Variants in GABRA3 observed in about 807,000 individuals in gnomAD.
GABRA3 encodes the protein gamma-aminobutyric acid type A receptor subunit alpha3.
In GABRA3, 10 loss-of-function variants were observed where a neutral mutation model predicts 30.1. The observed-to-expected ratio is 0.33, with a 90% confidence interval of 0.20 to 0.56. The LOEUF (loss-of-function observed/expected upper bound fraction) is 0.56, where lower values mean the gene tolerates loss of function less well. Among genes scored for constraint, GABRA3 ranks in the 20% least tolerant of loss-of-function variants. The pLI is 0.89. For synonymous variants in GABRA3, 151 were observed against 146.8 expected, an observed-to-expected ratio of 1.03 and a Z score of -0.21; for missense variants, 233 against 392.0, an observed-to-expected ratio of 0.59 and a Z score of 3.42.
At chrX:152,274,482 A>G (rs951016925) in intron 4 of GABRA3, among the ~76,000 whole-genome samples, 2 of 111,610 alleles carry the variant, frequency 1.8e-5, no homozygotes, top group African/African-American at 6.5e-5. Flanking sequence ...ATTCTCTTTC[A>G]ATATGAGGCA....
At chrX:152,442,009 A>G (rs1930942702) in intron 1 of GABRA3, among the ~76,000 whole-genome samples, 1 of 111,670 alleles carries the variant, frequency 9.0e-6, no homozygotes, top group South Asian at 3.7e-4. Context: ...TGTAATGATA[A>G]AGGACCCCAT....
intron 1 of GABRA3, among the ~76,000 whole-genome samples, chrX:152,433,758 C>A (rs1602728257): frequency 2.1e-5 from 2 of 93,097 alleles, no homozygotes; most frequent in African/African-American, 3.9e-5. Context: ...TTGAAAAGAT[C>A]AATAAAAGTA....
At chrX:152,267,762 C>T (rs1435969037) in intron 4 of GABRA3, among the ~76,000 whole-genome samples, 1 of 110,650 alleles carries the variant, frequency 9.0e-6, no homozygotes, top group East Asian at 2.8e-4. Flanking sequence ...GGAATGTATC[C>T]ATTTCTTCTA....
rs762105941 is a variant in GABRA3, at chrX:152,442,081, A to T, written c.-27+9065T>A. Among the ~76,000 whole-genome samples, 19 of 111,532 alleles carry T rather than the reference A, an allele frequency of 1.7e-4. No homozygotes were observed. The Admixed American group carries it at 1.8e-3, about 11-fold the overall frequency. On this transcript the variant is annotated intron_variant, in intron 1 of 9. Transcript: ENST00000370314. ...GATATATGCTATATATATCACAAAT[A>T]ATTAGTATCCAGAATATATAAATAA...
intron 3 of GABRA3, among the ~76,000 whole-genome samples, chrX:152,291,337 C>CT (rs768878837): frequency 1.8e-5 from 2 of 111,580 alleles, no homozygotes; most frequent in Admixed American, 1.9e-4. Flanking sequence ...TATAGGAATA[C>CT]TTGTGATTTT....
intron 1 of GABRA3, among the ~76,000 whole-genome samples, chrX:152,439,185 C>T (rs1042697821): frequency 1.2e-4 from 13 of 110,235 alleles, no homozygotes; most frequent in Admixed American, 5.8e-4. Context: ...TGGAGTGCAG[C>T]GGCACAATCT....
intron 1 of GABRA3, among the ~76,000 whole-genome samples, chrX:152,441,164 G>T (rs1417979870): frequency 9.0e-6 from 1 of 111,086 alleles, no homozygotes; most frequent in Non-Finnish European, 1.9e-5. Context: ...CGGTGGTAGT[G>T]GTTACACAAT....
At chrX:152,383,035 GA>G (rs747669104) in intron 1 of GABRA3, among the ~76,000 whole-genome samples, 1 of 110,811 alleles carries the variant, frequency 9.0e-6, no homozygotes, top group Admixed American at 9.7e-5. Flanking sequence ...TAAATTTAAT[GA>G]TTTTTTTTCA....
chrX:152,268,862 GC>G (rs1342150929), intron 4 of GABRA3, among the ~76,000 whole-genome samples: 1 of 111,998 alleles, frequency 8.9e-6, no homozygotes, highest in African/African-American at 3.3e-5. Flanking sequence ...GAGCCACTGT[GC>G]CTGGTCTTAA....
chrX:152,440,106 A>AT (rs1249934049), intron 1 of GABRA3, among the ~76,000 whole-genome samples: 1 of 112,001 alleles, frequency 8.9e-6, no homozygotes, highest in Non-Finnish European at 1.9e-5. Flanking sequence ...ATGGGAGAAA[A>AT]TTTTTGCAAT....
chrX:152,375,264 TC>T (rs1201062952), intron 1 of GABRA3, among the ~76,000 whole-genome samples: 2 of 111,555 alleles, frequency 1.8e-5, no homozygotes, highest in African/African-American at 6.5e-5. Flanking sequence ...GCTTTTCATA[TC>T]CCTCTATCAT....
intron 3 of GABRA3, among the ~76,000 whole-genome samples, chrX:152,339,811 C>T (rs1238860991): frequency 9.0e-6 from 1 of 111,675 alleles, no homozygotes; most frequent in African/African-American, 3.2e-5. Flanking sequence ...TCTTTGCTCT[C>T]ATGTCTACTT....
intron 5 of GABRA3, among the ~76,000 whole-genome samples, chrX:152,232,623 T>C (rs907902002): frequency 4.7e-5 from 5 of 106,260 alleles, no homozygotes; most frequent in Non-Finnish European, 7.8e-5. Flanking sequence ...TAGTGTTCTA[T>C]TGTGTGTGTG....
rs751242723 is a variant in GABRA3 at position 152,385,785 on chromosome X, G to T, written c.-26-21189C>A. 9.9e-5 allele frequency among the ~76,000 whole-genome samples: 11 copies of T among 111,468 alleles called. No individual in the cohort carries two copies. In the East Asian group the frequency reaches 2.8e-3, roughly 29 times the overall value. On this transcript the variant is annotated intron_variant, in intron 1 of 9. Transcript: ENST00000370314. ...AATTTTCGTATAAGGTGTAAGGAAG[G>T]GATCCAGTTTCAGCTTTCTACATAT...
chrX:152,267,062 A>T (rs1359268359), intron 4 of GABRA3, among the ~76,000 whole-genome samples: 1 of 112,379 alleles, frequency 8.9e-6, no homozygotes, highest in African/African-American at 3.2e-5. Flanking sequence ...TCTACAAATG[A>T]CAATAAGAGC....
intron 1 of GABRA3, among the ~76,000 whole-genome samples, chrX:152,413,178 C>G (rs1411843125): frequency 9.1e-6 from 1 of 110,176 alleles, no homozygotes; most frequent in African/African-American, 3.3e-5. Context: ...CACCAAAAAC[C>G]TTAAAGAATG....
At chrX:152,266,743 T>G (rs755984338) in intron 4 of GABRA3, among the ~76,000 whole-genome samples, 1 of 110,984 alleles carries the variant, frequency 9.0e-6, no homozygotes, top group African/African-American at 3.3e-5. Flanking sequence ...TTTTTCTTCC[T>G]TATAGCACTG....
rs1201017807 is a variant in GABRA3, at chrX:152,394,054, CATT to C, written c.-26-29461_-26-29459del. Among the ~76,000 whole-genome samples the C allele has an allele frequency of 1.2e-3, 131 of 111,582 alleles. 1 individual carries two copies. The highest frequency in any genetic ancestry group is 4.6e-3 in the Middle Eastern group (1 of 217). On this transcript the variant is annotated intron_variant, in intron 1 of 9. Coordinates refer to ENST00000370314, the MANE Select transcript of GABRA3 (RefSeq NM_000808.4). ...ATTGTCATGTCATCATCATCATCATCATTGTTATCATCATCATCACTACCTGCC... is the reference window on the plus strand; with the variant it reads ...ATTGTCATGTCATCATCATCATCATCGTTATCATCATCATCACTACCTGCC...
chrX:152,402,641 G>A (rs1340627337), intron 1 of GABRA3, among the ~76,000 whole-genome samples: 1 of 111,198 alleles, frequency 9.0e-6, no homozygotes, highest in East Asian at 2.8e-4. Flanking sequence ...GTTTTACTTC[G>A]AATCAGAAAC....
Sources: gnomAD v4.1 joint callset for allele counts (sites outside exome capture counted in the v4.1 genomes callset) on GRCh38, gnomAD v4.1.1 for gene constraint, MANE v1.5 for transcripts, NCBI Gene and HGNC (gene_info 2026-07-23, HGNC 2026-07-21) for gene names.